FAM193A: variants seen among roughly 807,000 people sequenced by gnomAD.
FAM193A encodes protein FAM193A.
FAM193A carries 22 observed loss-of-function variants against 126.5 expected under a neutral mutation model. That is an observed-to-expected ratio of 0.17 (90% CI 0.12 to 0.25). FAM193A has a LOEUF of 0.25. Ranked by LOEUF, FAM193A falls within the 10% of genes least tolerant of loss-of-function variation. The pLI is 1.00. For missense variants in FAM193A, 1,675 were observed against 1,672.8 expected (o/e 1.00, Z -0.02); for synonymous variants, 761 against 646.8 (o/e 1.18, Z -2.68).
At chr4:2,538,197 C>G (rs200684065) in intron 1 of FAM193A, among the ~76,000 whole-genome samples, 20 of 144,780 alleles carry the variant, frequency 1.4e-4, no homozygotes, top group African/African-American at 4.8e-4. Context: ...ACAAATTGTT[C>G]TTTTTTTTTT....
intron 18 of FAM193A, among the ~76,000 whole-genome samples, chr4:2,698,384 C>T (rs1717288300): frequency 6.6e-6 from 1 of 152,162 alleles, no homozygotes; most frequent in African/African-American, 2.4e-5. Context: ...CCGTGCAGGC[C>T]CACAGCTCAC....
chr4:2,731,196 CAAAAA>C (rs546217602), intron 20 of FAM193A, among the ~76,000 whole-genome samples: 9 of 86,870 alleles, frequency 1.0e-4, no homozygotes, highest in Non-Finnish European at 1.3e-4. Context: ...AACTCCTTCT[CAAAAA>C]AAAAAAAAAA....
chr4:2,595,054 CTT>C (rs965402007), intron 1 of FAM193A, among the ~76,000 whole-genome samples: 11 of 143,528 alleles, frequency 7.7e-5, no homozygotes, highest in African/African-American at 1.0e-4. Context: ...ATTTTTCTTT[CTT>C]TTTTTTTTTT....
chr4:2,556,492 C>T (rs1369387149), intron 1 of FAM193A, among the ~76,000 whole-genome samples: 1 of 152,164 alleles, frequency 6.6e-6, no homozygotes. Flanking sequence ...GCGTGAGCCA[C>T]CACGCCCGGC....
intron 2 of FAM193A, among the ~76,000 whole-genome samples, chr4:2,597,662 G>C (rs1740943632): frequency 6.6e-6 from 1 of 152,166 alleles, no homozygotes; most frequent in African/African-American, 2.4e-5. Flanking sequence ...AACAGCAGAG[G>C]TGTAGTGTTG....
chr4:2,688,987 A>G (rs932044936), intron 13 of FAM193A, among the ~76,000 whole-genome samples: 12 of 152,270 alleles, frequency 7.9e-5, no homozygotes, highest in Non-Finnish European at 1.3e-4. Flanking sequence ...GGGCTTGCCA[A>G]TGAGGCAGCT....
At chr4:2,706,739 C>G (rs1002844056) in intron 19 of FAM193A, among the ~76,000 whole-genome samples, 2 of 151,128 alleles carry the variant, frequency 1.3e-5, no homozygotes, top group Non-Finnish European at 2.9e-5. Context: ...GGGCTGTTCT[C>G]TCCTCATAGC....
intron 2 of FAM193A, among the ~76,000 whole-genome samples, chr4:2,603,084 T>A (rs972494214): frequency 1.4e-5 from 2 of 144,402 alleles, no homozygotes; most frequent in African/African-American, 5.1e-5. Flanking sequence ...TTCTCCTGCC[T>A]CAGCCTCCTG....
intron 5 of FAM193A, among the ~76,000 whole-genome samples, chr4:2,638,429 T>A (rs1744301972): frequency 6.6e-6 from 1 of 152,230 alleles, no homozygotes; most frequent in Non-Finnish European, 1.5e-5. Context: ...ACGTGCATTT[T>A]TCCTGTACCG....
At chr4:2,730,308 C>A (rs1409488446) in intron 20 of FAM193A, among the ~76,000 whole-genome samples, 1 of 152,228 alleles carries the variant, frequency 6.6e-6, no homozygotes, top group Non-Finnish European at 1.5e-5. Flanking sequence ...TCCTTTTAAA[C>A]AGCTTTAGAG....
intron 7 of FAM193A, among the ~76,000 whole-genome samples, chr4:2,656,777 C>T (rs574474177): frequency 3.9e-5 from 6 of 152,312 alleles, no homozygotes; most frequent in South Asian, 2.1e-4. Context: ...AAGTGCAAGT[C>T]GGACAAAATA....
chr4:2,725,224 G>C (rs552826936), intron 20 of FAM193A, among the ~76,000 whole-genome samples: 11 of 151,858 alleles, frequency 7.2e-5, no homozygotes, highest in African/African-American at 2.7e-4. Context: ...ATATATGTAT[G>C]TATATACACA....
rs1206687916 is a variant in FAM193A at position 2,731,782 on chromosome 4, T to C, written c.4462T>C (p.Leu1488=). 1.9e-6 allele frequency: 3 copies of C among 1,613,494 alleles called. No individual in the cohort carries two copies. In the African/African-American group the frequency reaches 4.0e-5, roughly 22 times the overall value. The part of the protein sequence containing the change: ...REVEYFKRFC[L]DSARQTRQRL... ...GGCTTTTTGTCTTTGCAGGTTCTGC[T>C]TGGATTCTGCTAGACAGACCCGACA... Residue 1488 remains leucine, a synonymous_variant, in exon 21 of 21, where the codon TTG becomes CTG. Coordinates refer to ENST00000637812, the MANE Select transcript of FAM193A (RefSeq NM_001366318.2).
chr4:2,666,357 C>A (rs2137837), intron 12 of FAM193A, among the ~76,000 whole-genome samples: 7,098 of 152,236 alleles, frequency 0.047, 523 homozygotes, highest in African/African-American at 0.15. Flanking sequence ...CCTGGGATAA[C>A]TCCCACTTGG....
At chr4:2,693,973 G>T (rs16843212) in intron 16 of FAM193A, 99 bp downstream of exon 16, 15 of 1,285,502 alleles carry the variant, frequency 1.2e-5, no homozygotes, top group Non-Finnish European at 1.5e-5. Context: ...CCATGCAGTG[G>T]AAAAGTCTAG....
rs1447199156 is a variant in FAM193A at position 2,639,800 on chromosome 4, T to C, written c.1104T>C (p.Asn368=). ...WELHNKHLFE[N]LVFSEPLLQS... is the part of the protein sequence containing the mutation. ...TGCATAATAAACACCTGTTTGAAAA[T>C]CTGGTCTTTTCGGAGCCACTTCTTC... The change falls in exon 6 of 21, where the codon AAT becomes AAC. Residue 368 remains asparagine (N), a synonymous_variant. Coordinates refer to ENST00000637812, the MANE Select transcript of FAM193A (RefSeq NM_001366318.2). 8.1e-6 allele frequency: 13 copies of C among 1,613,956 alleles called. No homozygotes were observed. The East Asian group carries it at 2.9e-4, about 36-fold the overall frequency.
chr4:2,628,727 T>C (rs972019075), intron 4 of FAM193A, among the ~76,000 whole-genome samples: 8 of 152,222 alleles, frequency 5.3e-5, no homozygotes, highest in Admixed American at 4.6e-4. Flanking sequence ...TCACAGCTTA[T>C]TAACATTGCA....
chr4:2,730,902 A>G (rs900915520), intron 20 of FAM193A, among the ~76,000 whole-genome samples: 1 of 151,986 alleles, frequency 6.6e-6, no homozygotes, highest in Non-Finnish European at 1.5e-5. Flanking sequence ...AAAATTAAAA[A>G]TTAGCTAGGT....
At chr4:2,698,592 A>G (rs1404624060) in intron 18 of FAM193A, among the ~76,000 whole-genome samples, 1 of 152,234 alleles carries the variant, frequency 6.6e-6, no homozygotes, top group Non-Finnish European at 1.5e-5. Flanking sequence ...AAATATTGTG[A>G]AAAATAATTT....
Sources: allele counts gnomAD v4.1 joint callset (sites outside exome capture counted in the v4.1 genomes callset), GRCh38; gene constraint gnomAD v4.1.1; transcripts MANE v1.5; gene names NCBI Gene and HGNC (gene_info 2026-07-23, HGNC 2026-07-21).